CADPS2: variants seen among roughly 807,000 people sequenced by gnomAD.
CADPS2 encodes calcium dependent secretion activator 2.
In CADPS2, 93 loss-of-function variants were observed where a neutral mutation model predicts 172.5. That is an observed-to-expected ratio of 0.54 (90% confidence interval 0.46 to 0.64). The LOEUF is 0.64. Among genes scored for constraint, CADPS2 ranks in the 30% least tolerant of loss-of-function variants. The pLI is 0.00. For missense variants in CADPS2, 1,420 were observed against 1,565.9 expected (o/e 0.91, Z 1.57); for synonymous variants, 546 against 555.2 (o/e 0.98, Z 0.23).
chr7:122,560,854 A>C (rs1382725761), intron 7 of CADPS2, among the ~76,000 whole-genome samples: 2 of 152,156 alleles, frequency 1.3e-5, no homozygotes, highest in Non-Finnish European at 2.9e-5. Context: ...ATATATTATG[A>C]AAGGACTACC....
At chr7:122,742,491 A>C (rs2092535567) in intron 1 of CADPS2, among the ~76,000 whole-genome samples, 1 of 152,124 alleles carries the variant, frequency 6.6e-6, no homozygotes, top group Non-Finnish European at 1.5e-5. Flanking sequence ...AACTCACTAC[A>C]ATAGCAATGT....
At chr7:122,732,459 GCAAA>G (rs1289454845) in intron 2 of CADPS2, among the ~76,000 whole-genome samples, 1 of 150,052 alleles carries the variant, frequency 6.7e-6, no homozygotes, top group Admixed American at 6.7e-5. Flanking sequence ...AAAAATAATA[GCAAA>G]CAGATTTTGA....
intron 27 of CADPS2, among the ~76,000 whole-genome samples, chr7:122,358,237 T>C (rs950176385): frequency 2.0e-5 from 3 of 152,144 alleles, no homozygotes; most frequent in Non-Finnish European, 4.4e-5. Context: ...TTGAGCATTT[T>C]TTCATAAGCT....
chr7:122,520,613 C>T (rs143425734), intron 8 of CADPS2, among the ~76,000 whole-genome samples: 2,306 of 152,008 alleles, frequency 0.015, 60 homozygotes, highest in African/African-American at 0.051. Context: ...TTCTCTATGC[C>T]AGATTTTATA....
intron 17 of CADPS2, among the ~76,000 whole-genome samples, chr7:122,436,742 G>A (rs776720256): frequency 6.6e-6 from 1 of 151,968 alleles, no homozygotes; most frequent in Non-Finnish European, 1.5e-5. Context: ...AGAGTTTCCC[G>A]CTCACTGTCC....
chr7:122,855,722 T>A (rs918408347), intron 1 of CADPS2, among the ~76,000 whole-genome samples: 1 of 152,188 alleles, frequency 6.6e-6, no homozygotes, highest in African/African-American at 2.4e-5. Context: ...GCAGACTGCT[T>A]CTACATCTAT....
intron 6 of CADPS2, among the ~76,000 whole-genome samples, 163 bp from the exon 7 acceptor site, chr7:122,581,453 G>A (rs1322311107): frequency 6.6e-6 from 1 of 152,050 alleles, no homozygotes; most frequent in Non-Finnish European, 1.5e-5. Flanking sequence ...AGAAGGAAAA[G>A]AACAATAAGC....
intron 7 of CADPS2, among the ~76,000 whole-genome samples, chr7:122,565,597 A>C (rs2132343680): frequency 6.6e-6 from 1 of 152,264 alleles, no homozygotes; most frequent in East Asian, 1.9e-4. Flanking sequence ...TGATCTAAGG[A>C]GTTCTTGACT....
chr7:122,448,224 G>GCTTC (rs1228824468), intron 15 of CADPS2, among the ~76,000 whole-genome samples: 1 of 152,042 alleles, frequency 6.6e-6, no homozygotes, highest in African/African-American at 2.4e-5. Flanking sequence ...TTCTCTTTCT[G>GCTTC]GAAGATCTTA....
intron 25 of CADPS2, among the ~76,000 whole-genome samples, chr7:122,370,635 C>T (rs888372901): frequency 6.6e-6 from 1 of 152,058 alleles, no homozygotes; most frequent in Non-Finnish European, 1.5e-5. Context: ...GCACAGAGGG[C>T]ATTGGGTAAG....
intron 8 of CADPS2, among the ~76,000 whole-genome samples, chr7:122,541,858 T>TATATATATTCATATATAA (rs2131631535): frequency 1.3e-5 from 1 of 79,752 alleles, no homozygotes; most frequent in African/African-American, 3.5e-5. Flanking sequence ...CATATATATT[T>TATATATATTCATATATAA]ATATATATGC....
At chr7:122,672,452 C>T (rs2081962135) in intron 2 of CADPS2, among the ~76,000 whole-genome samples, 1 of 152,174 alleles carries the variant, frequency 6.6e-6, no homozygotes, top group Non-Finnish European at 1.5e-5. Context: ...AGCAGATATC[C>T]TGTCTCCCTA....
chr7:122,497,052 T>C (rs1409635556), intron 9 of CADPS2, among the ~76,000 whole-genome samples: 1 of 152,098 alleles, frequency 6.6e-6, no homozygotes, highest in African/African-American at 2.4e-5. Flanking sequence ...GGTAACTTGT[T>C]CTATTTGTAT....
At chr7:122,665,441 A>G (rs767688533) in intron 2 of CADPS2, among the ~76,000 whole-genome samples, 1 of 152,222 alleles carries the variant, frequency 6.6e-6, no homozygotes, top group Non-Finnish European at 1.5e-5. Context: ...ATTGTCAAAT[A>G]AGATGCTCCT....
At chr7:122,334,966 T>C (rs1375157196) in intron 28 of CADPS2, among the ~76,000 whole-genome samples, 2 of 152,166 alleles carry the variant, frequency 1.3e-5, no homozygotes, top group Non-Finnish European at 2.9e-5. Flanking sequence ...CTTTGATAAA[T>C]ATAGGTTCAA....
chr7:122,621,212 G>A (rs2075573245), intron 5 of CADPS2, among the ~76,000 whole-genome samples: 1 of 151,928 alleles, frequency 6.6e-6, no homozygotes, highest in Non-Finnish European at 1.5e-5. Flanking sequence ...TATTTTATCA[G>A]TAAATTTACA....
intron 5 of CADPS2, 107 bp from the exon 6 acceptor site, chr7:122,615,406 A>T: frequency 1.4e-6 from 1 of 698,132 alleles, no homozygotes. Flanking sequence ...AACTGAAAAA[A>T]AATTTGTTTT....
At chr7:122,812,329 T>C (rs1019216835) in intron 1 of CADPS2, among the ~76,000 whole-genome samples, 6 of 150,814 alleles carry the variant, frequency 4.0e-5, no homozygotes, top group Admixed American at 4.0e-4. Context: ...GTCTATTAGA[T>C]GATAAATGTA....
At chr7:122,499,214 TCA>T (rs1287000499) in intron 9 of CADPS2, among the ~76,000 whole-genome samples, 1 of 152,238 alleles carries the variant, frequency 6.6e-6, no homozygotes, top group African/African-American at 2.4e-5. Flanking sequence ...GCCCATCATT[TCA>T]CAGAGATCTA....
Sources: gnomAD v4.1 joint callset for allele counts (sites outside exome capture counted in the v4.1 genomes callset) on GRCh38, gnomAD v4.1.1 for gene constraint, MANE v1.5 for transcripts, NCBI Gene and HGNC (gene_info 2026-07-23, HGNC 2026-07-21) for gene names.